The following ZNF804B variants were observed in gnomAD, a reference collection of about 807,000 sequenced individuals.
ZNF804B encodes zinc finger 804B.
A neutral mutation model predicts 101.4 loss-of-function variants in ZNF804B; 80 were observed. The ratio of observed to expected loss-of-function variants is 0.79; its 90% CI spans 0.66 to 0.95. The LOEUF (loss-of-function observed/expected upper bound fraction) is 0.95. Ranked by LOEUF, ZNF804B falls within the 40% of genes least tolerant of loss-of-function variation. The pLI is 0.00. For missense variants in ZNF804B, 1,673 were observed against 1,561.9 expected (o/e 1.07, Z -1.20); for synonymous variants, 622 against 558.8 (o/e 1.11, Z -1.59).
At chr7:89,298,473 T>C (rs1790426795) in intron 2 of ZNF804B, among the ~76,000 whole-genome samples, 1 of 150,762 alleles carries the variant, frequency 6.6e-6, no homozygotes, top group African/African-American at 2.4e-5. Context: ...AGGACATCTC[T>C]GTTCTCCTCA....
chr7:89,076,325 G>T (rs965442639), intron 1 of ZNF804B, among the ~76,000 whole-genome samples: 1 of 151,824 alleles, frequency 6.6e-6, no homozygotes, highest in Non-Finnish European at 1.5e-5. Flanking sequence ...TGCTGTTCTC[G>T]TGAGAGTGAA....
intron 1 of ZNF804B, among the ~76,000 whole-genome samples, chr7:88,781,611 T>C (rs569866914): frequency 6.6e-5 from 10 of 152,228 alleles, no homozygotes; most frequent in Non-Finnish European, 1.5e-4. Context: ...TTTATGGAGT[T>C]GCTGATAATT....
intron 1 of ZNF804B, among the ~76,000 whole-genome samples, chr7:89,138,741 T>C (rs1790673357): frequency 6.6e-6 from 1 of 152,052 alleles, no homozygotes; most frequent in Non-Finnish European, 1.5e-5. Flanking sequence ...TCCCGTGCTG[T>C]TCTTGTGATA....
intron 2 of ZNF804B, among the ~76,000 whole-genome samples, chr7:89,303,741 G>C (rs985816201): frequency 1.3e-5 from 2 of 151,772 alleles, no homozygotes; most frequent in Non-Finnish European, 2.9e-5. Context: ...ATTATGGACA[G>C]ATTTTCATCT....
chr7:89,165,061 C>T (rs971856301), intron 1 of ZNF804B, among the ~76,000 whole-genome samples: 35 of 152,194 alleles, frequency 2.3e-4, no homozygotes, highest in African/African-American at 7.2e-4. Context: ...TATCACAAGG[C>T]TGTTGCGTAG....
intron 2 of ZNF804B, among the ~76,000 whole-genome samples, chr7:89,289,603 T>G (rs143539963): frequency 1.3e-5 from 2 of 152,138 alleles, no homozygotes; most frequent in African/African-American, 4.8e-5. Context: ...TGCCCTGTCA[T>G]AGCAAAAAGC....
intron 1 of ZNF804B, among the ~76,000 whole-genome samples, chr7:88,974,500 T>C (rs1793585544): frequency 6.6e-6 from 1 of 151,242 alleles, no homozygotes; most frequent in Non-Finnish European, 1.5e-5. Context: ...TATAATTTTA[T>C]CTGGCCCTTA....
At chr7:88,892,055 C>G (rs945297913) in intron 1 of ZNF804B, among the ~76,000 whole-genome samples, 1 of 152,096 alleles carries the variant, frequency 6.6e-6, no homozygotes, top group African/African-American at 2.4e-5. Flanking sequence ...TTCTTCTAAA[C>G]CAAAGATCCT....
intron 2 of ZNF804B, among the ~76,000 whole-genome samples, chr7:89,266,057 C>T (rs1322129227): frequency 6.6e-6 from 1 of 152,008 alleles, no homozygotes; most frequent in Non-Finnish European, 1.5e-5. Context: ...TTTTTTTCTT[C>T]ACATAATTTA....
intron 1 of ZNF804B, among the ~76,000 whole-genome samples, chr7:89,107,097 C>T (rs1790147091): frequency 6.6e-6 from 1 of 152,086 alleles, no homozygotes; most frequent in African/African-American, 2.4e-5. Context: ...TCTTCAAGAA[C>T]ATATTCCAAT....
chr7:89,139,014 C>T (rs374605010), intron 1 of ZNF804B, among the ~76,000 whole-genome samples: 2 of 151,892 alleles, frequency 1.3e-5, no homozygotes, highest in East Asian at 1.9e-4. Context: ...TATGTGTGCA[C>T]GTGCACGCAT....
At chr7:88,897,745 A>G (rs575956563) in intron 1 of ZNF804B, among the ~76,000 whole-genome samples, 3 of 152,160 alleles carry the variant, frequency 2.0e-5, no homozygotes, top group Non-Finnish European at 4.4e-5. Flanking sequence ...TGAAGCCTAT[A>G]CCCTTTCAGC....
chr7:89,242,115 A>G (rs957945199), intron 2 of ZNF804B, among the ~76,000 whole-genome samples: 3 of 151,894 alleles, frequency 2.0e-5, no homozygotes, highest in African/African-American at 4.8e-5. Context: ...TGAACTGTTA[A>G]CTTATTTATC....
chr7:88,795,133 C>G (rs1398903902), intron 1 of ZNF804B: 1 of 460,204 alleles, frequency 2.2e-6, no homozygotes, highest in Non-Finnish European at 3.8e-6. Context: ...TATCAGGAAA[C>G]AATGTATTTG....
chr7:89,109,065 TTAGTAAGAGAACATCAATAAA>T (rs890944493), intron 1 of ZNF804B, among the ~76,000 whole-genome samples: 34 of 152,144 alleles, frequency 2.2e-4, no homozygotes, highest in African/African-American at 6.7e-4. Flanking sequence ...TTGGGTATAA[TTAGTAAGAGAACATCAATAAA>T]GGAGAAAAAT....
At chr7:89,137,118 C>A (rs987935347) in intron 1 of ZNF804B, among the ~76,000 whole-genome samples, 1 of 151,846 alleles carries the variant, frequency 6.6e-6, no homozygotes, top group Non-Finnish European at 1.5e-5. Context: ...CAGACTAATA[C>A]AATAAATTGG....
intron 1 of ZNF804B, among the ~76,000 whole-genome samples, chr7:89,039,015 G>C (rs1488502550): frequency 6.6e-6 from 1 of 151,930 alleles, no homozygotes; most frequent in East Asian, 1.9e-4. Flanking sequence ...TTATTGGCCA[G>C]TATGGTGATT....
chr7:89,072,717 A>G (rs1333009552), intron 1 of ZNF804B, among the ~76,000 whole-genome samples: 1 of 152,176 alleles, frequency 6.6e-6, no homozygotes, highest in Non-Finnish European at 1.5e-5. Flanking sequence ...GACAACAGAG[A>G]ATAATATGTT....
At position 88,964,574 on chromosome 7, in the gene ZNF804B, A is replaced by T. The variant is rs1015014112; in HGVS notation, c.108+204490A>T. ...TATGCATACAGAGTTTCAATTGGGAATGCTGAAAATTTCTGGAGATAAACA... is the reference window on the plus strand; with the variant it reads ...TATGCATACAGAGTTTCAATTGGGATTGCTGAAAATTTCTGGAGATAAACA... On this transcript the variant is annotated intron_variant, in intron 1 of 3. Coordinates refer to ENST00000333190, the MANE Select transcript of ZNF804B (RefSeq NM_181646.5). Among the ~76,000 whole-genome samples, 23 of 151,470 alleles carry T rather than the reference A, an allele frequency of 1.5e-4. 1 individual carries two copies. The highest frequency in any genetic ancestry group is 3.0e-5 in the Non-Finnish European group (2 of 67,662).
Sources: gnomAD v4.1 joint callset for allele counts (sites outside exome capture counted in the v4.1 genomes callset) on GRCh38, gnomAD v4.1.1 for gene constraint, MANE v1.5 for transcripts, NCBI Gene and HGNC (gene_info 2026-07-23, HGNC 2026-07-21) for gene names.